The following C1orf21 variants were observed in gnomAD, a reference collection of about 807,000 sequenced individuals.
The protein encoded by C1orf21 is uncharacterized protein C1orf21.
In C1orf21, 3 loss-of-function variants were observed where a neutral mutation model predicts 18.7. The ratio of observed to expected loss-of-function variants is 0.16; its 90% CI spans 0.07 to 0.42. The LOEUF is 0.42. C1orf21 is among the 10% of genes least tolerant of loss of function. C1orf21 has a pLI of 0.99. For synonymous variants in C1orf21, 41 were observed against 46.4 expected (o/e 0.88, Z 0.47); for missense variants, 104 against 143.6 (o/e 0.72, Z 1.41).
At chr1:184,430,185 A>C (rs1281185401) in intron 1 of C1orf21, among the ~76,000 whole-genome samples, 2 of 150,728 alleles carry the variant, frequency 1.3e-5, no homozygotes, top group Admixed American at 6.6e-5. Flanking sequence ...TTTTTTTTTA[A>C]GCTAAACCTG....
At chr1:184,505,248 T>C (rs1658035552) in intron 2 of C1orf21, among the ~76,000 whole-genome samples, 1 of 147,780 alleles carries the variant, frequency 6.8e-6, no homozygotes, top group Admixed American at 6.8e-5. Flanking sequence ...TCCAAAAATG[T>C]TACCCTCTTC....
At chr1:184,459,386 T>A (rs1200901869) in intron 1 of C1orf21, among the ~76,000 whole-genome samples, 1 of 152,180 alleles carries the variant, frequency 6.6e-6, no homozygotes, top group Non-Finnish European at 1.5e-5. Context: ...CAGGAGGAAT[T>A]GATGCCAGTT....
chr1:184,439,813 A>G (rs892900755), intron 1 of C1orf21, among the ~76,000 whole-genome samples: 2 of 152,174 alleles, frequency 1.3e-5, no homozygotes, highest in Non-Finnish European at 2.9e-5. Flanking sequence ...CAAAACCATT[A>G]TGGGCTATTG....
intron 1 of C1orf21, among the ~76,000 whole-genome samples, chr1:184,409,676 G>C (rs1656303064): frequency 6.6e-6 from 1 of 152,068 alleles, no homozygotes; most frequent in Non-Finnish European, 1.5e-5. Context: ...CCTGATTCAG[G>C]GTGGGCCTGG....
At chr1:184,545,121 G>A (rs570312499) in intron 3 of C1orf21, among the ~76,000 whole-genome samples, 2 of 152,164 alleles carry the variant, frequency 1.3e-5, no homozygotes, top group South Asian at 4.1e-4. Flanking sequence ...ACACAAGGGT[G>A]TGAATCTTAG....
At chr1:184,597,535 G>A (rs1297032770) in intron 4 of C1orf21, among the ~76,000 whole-genome samples, 1 of 151,984 alleles carries the variant, frequency 6.6e-6, no homozygotes, top group Non-Finnish European at 1.5e-5. Flanking sequence ...AGGACAACCA[G>A]TAGGCACTGA....
intron 2 of C1orf21, among the ~76,000 whole-genome samples, chr1:184,494,459 G>C (rs1305367130): frequency 6.6e-6 from 1 of 152,196 alleles, no homozygotes; most frequent in African/African-American, 2.4e-5. Context: ...GAGTGAAGCA[G>C]TTGACCAGTT....
At chr1:184,477,290 CT>C (rs1347389864) in intron 1 of C1orf21, 95 bp from the exon 2 acceptor site, 2 of 514,950 alleles carry the variant, frequency 3.9e-6, no homozygotes, top group African/African-American at 3.9e-5. Flanking sequence ...CTGTGCATGA[CT>C]TCTAGTATAC....
chr1:184,438,262 G>C (rs576915332), intron 1 of C1orf21, among the ~76,000 whole-genome samples: 1 of 151,148 alleles, frequency 6.6e-6, no homozygotes, highest in African/African-American at 2.5e-5. Flanking sequence ...GTGTTGCCCT[G>C]AAAGTCTTGA....
chr1:184,587,293 G>T (rs1571290691), intron 3 of C1orf21, among the ~76,000 whole-genome samples: 1 of 131,742 alleles, frequency 7.6e-6, no homozygotes, highest in African/African-American at 2.8e-5. Flanking sequence ...GGTTCCATGT[G>T]AATTTTAAAA....
At chr1:184,471,744 T>C (rs548450907) in intron 1 of C1orf21, among the ~76,000 whole-genome samples, 3 of 152,318 alleles carry the variant, frequency 2.0e-5, no homozygotes, top group Admixed American at 6.5e-5. Context: ...GTAGAATTAC[T>C]ATATGTGGAC....
intron 3 of C1orf21, among the ~76,000 whole-genome samples, chr1:184,583,273 TAAG>T (rs1558008142): frequency 6.6e-6 from 1 of 152,130 alleles, no homozygotes; most frequent in African/African-American, 2.4e-5. Flanking sequence ...TCAGAGAAAC[TAAG>T]AAGAGAATGA....
intron 1 of C1orf21, among the ~76,000 whole-genome samples, chr1:184,431,651 G>A (rs1388754989): frequency 1.3e-5 from 2 of 152,102 alleles, no homozygotes; most frequent in Non-Finnish European, 1.5e-5. Context: ...CTTCTGCACA[G>A]AAAAAGAAAC....
intron 3 of C1orf21, among the ~76,000 whole-genome samples, chr1:184,570,184 C>T (rs753807377): frequency 2.0e-5 from 3 of 151,660 alleles, no homozygotes; most frequent in African/African-American, 4.8e-5. Context: ...TTTTTATTTT[C>T]GCTGTGTTTT....
chr1:184,411,702 G>C (rs1478391315), intron 1 of C1orf21, among the ~76,000 whole-genome samples: 1 of 152,160 alleles, frequency 6.6e-6, no homozygotes, highest in Non-Finnish European at 1.5e-5. Flanking sequence ...GATTGCAGGC[G>C]TGAGCCACCG....
intron 1 of C1orf21, among the ~76,000 whole-genome samples, chr1:184,411,271 A>C (rs1469491962): frequency 2.0e-5 from 3 of 152,142 alleles, no homozygotes; most frequent in Non-Finnish European, 4.4e-5. Context: ...ATGATTGCAA[A>C]ATAATTAAGA....
At chr1:184,389,466 C>T (rs1655937000) in intron 1 of C1orf21, among the ~76,000 whole-genome samples, 1 of 152,184 alleles carries the variant, frequency 6.6e-6, no homozygotes. Flanking sequence ...ATTTATCCCT[C>T]CTCCGCCCCA....
At chr1:184,577,325 C>T (rs977237641) in intron 3 of C1orf21, among the ~76,000 whole-genome samples, 4 of 151,616 alleles carry the variant, frequency 2.6e-5, no homozygotes, top group African/African-American at 4.8e-5. Flanking sequence ...AGCTATGGAC[C>T]GAGGCGGGTC....
intron 1 of C1orf21, among the ~76,000 whole-genome samples, chr1:184,471,042 C>A (rs79884467): frequency 1.2e-3 from 187 of 152,184 alleles, no homozygotes; most frequent in African/African-American, 4.5e-3. Flanking sequence ...CCTCTCTTGC[C>A]TTCTCAGAAA....
Sources: gnomAD v4.1 joint callset for allele counts (sites outside exome capture counted in the v4.1 genomes callset) on GRCh38, gnomAD v4.1.1 for gene constraint, MANE v1.5 for transcripts, NCBI Gene and HGNC (gene_info 2026-07-23, HGNC 2026-07-21) for gene names.